GABRB1: variants seen among roughly 807,000 people sequenced by gnomAD.
The protein encoded by GABRB1 is gamma-aminobutyric acid receptor subunit beta-1.
Under a neutral mutation model 51.6 loss-of-function variants are expected in GABRB1, and 17 were observed. The observed-to-expected ratio is 0.33, with a 90% CI of 0.23 to 0.49. The LOEUF (loss-of-function observed/expected upper bound fraction) is 0.49, where lower values mean the gene tolerates loss of function less well. GABRB1 is among the 20% of genes least tolerant of loss of function. The probability of loss-of-function intolerance (pLI) is 0.99; values close to 1 mark genes in which losing one functional copy is unlikely to be tolerated. For missense variants in GABRB1, 410 were observed against 600.6 expected, an observed-to-expected ratio of 0.68 and a Z score of 3.32; for synonymous variants, 247 against 218.9, an observed-to-expected ratio of 1.13 and a Z score of -1.14.
At chr4:47,014,839 A>G (rs747939388) in intron 1 of GABRB1, among the ~76,000 whole-genome samples, 1 of 152,218 alleles carries the variant, frequency 6.6e-6, no homozygotes, top group Non-Finnish European at 1.5e-5. Flanking sequence ...GTATAGAATA[A>G]GGCTATAGAA....
intron 3 of GABRB1, among the ~76,000 whole-genome samples, chr4:47,036,408 A>G (rs1190398657): frequency 6.6e-6 from 1 of 152,172 alleles, no homozygotes; most frequent in Non-Finnish European, 1.5e-5. Flanking sequence ...AATCTTTAAC[A>G]TATAGGTGAA....
chr4:47,001,305 G>C (rs1724201138), intron 1 of GABRB1, among the ~76,000 whole-genome samples: 1 of 151,906 alleles, frequency 6.6e-6, no homozygotes, highest in African/African-American at 2.4e-5. Flanking sequence ...ACCACGCCCA[G>C]CTAATTTTTT....
chr4:47,413,635 T>C (rs2110061682), intron 8 of GABRB1, among the ~76,000 whole-genome samples: 1 of 152,362 alleles, frequency 6.6e-6, no homozygotes, highest in South Asian at 2.1e-4. Flanking sequence ...CAGACAATTT[T>C]CATTTGAGGG....
At chr4:47,198,838 T>A (rs1026163983) in intron 4 of GABRB1, among the ~76,000 whole-genome samples, 2 of 152,144 alleles carry the variant, frequency 1.3e-5, no homozygotes, top group Non-Finnish European at 2.9e-5. Flanking sequence ...AGGAAACTTA[T>A]GATCATGGCA....
intron 3 of GABRB1, among the ~76,000 whole-genome samples, chr4:47,154,927 A>G (rs1379694947): frequency 6.6e-6 from 1 of 151,960 alleles, no homozygotes; most frequent in Non-Finnish European, 1.5e-5. Context: ...GTGCAGCCCT[A>G]ATTCTTAGTT....
intron 3 of GABRB1, among the ~76,000 whole-genome samples, chr4:47,088,186 T>C (rs1208617782): frequency 6.6e-6 from 1 of 152,208 alleles, no homozygotes; most frequent in African/African-American, 2.4e-5. Context: ...TAGAATTCAT[T>C]TGACAAACAT....
At chr4:47,028,864 A>G (rs1190619358), upstream of GABRB1, among the ~76,000 whole-genome samples, 1 of 144,894 alleles carries the variant, frequency 6.9e-6, no homozygotes, top group African/African-American at 2.5e-5. Context: ...TATATATGGT[A>G]TATATACCAT....
intron 3 of GABRB1, among the ~76,000 whole-genome samples, chr4:47,047,329 G>C (rs953109745): frequency 1.3e-5 from 2 of 151,912 alleles, no homozygotes; most frequent in South Asian, 4.1e-4. Flanking sequence ...TACAAAGCAG[G>C]TACTATTCTA....
intron 3 of GABRB1, among the ~76,000 whole-genome samples, chr4:47,102,187 A>C (rs1311813903): frequency 1.3e-5 from 2 of 152,008 alleles, no homozygotes; most frequent in Non-Finnish European, 2.9e-5. Context: ...AACAGAGTTG[A>C]CAGATTAGGA....
chr4:47,095,143 GC>G (rs1321261201), intron 3 of GABRB1, among the ~76,000 whole-genome samples: 1 of 152,006 alleles, frequency 6.6e-6, no homozygotes, highest in Non-Finnish European at 1.5e-5. Flanking sequence ...AGGACACAAT[GC>G]TTTTGAATCC....
intron 8 of GABRB1, among the ~76,000 whole-genome samples, chr4:47,419,868 G>A (rs933874651): frequency 9.9e-5 from 15 of 152,132 alleles, no homozygotes; most frequent in African/African-American, 3.6e-4. Context: ...AGCCCTTGGG[G>A]CTGCAGAACT....
intron 3 of GABRB1, among the ~76,000 whole-genome samples, chr4:47,048,272 T>A (rs1726187356): frequency 6.6e-6 from 1 of 152,110 alleles, no homozygotes; most frequent in Non-Finnish European, 1.5e-5. Context: ...ATTAAGTCTC[T>A]CTTCTTGGAA....
In GABRB1 at chr4:47,143,217, C is replaced by G. The variant is rs568224488; in HGVS notation, c.241-18032C>G. Among the ~76,000 whole-genome samples, 159 of 151,890 alleles carry G rather than the reference C, an allele frequency of 1.0e-3. 1 individual carries two copies. Among genetic ancestry groups the G allele is most frequent in the African/African-American group, 3.7e-3 (153 of 41,490 alleles). ...GTGACTGCCAGGTCAGAACAGGAAGCTGAGGGTATCATCAAAAAGAATTCC... is the reference window on the plus strand; with the variant it reads ...GTGACTGCCAGGTCAGAACAGGAAGGTGAGGGTATCATCAAAAAGAATTCC... On this transcript the variant is annotated intron_variant, in intron 3 of 8. Coordinates refer to ENST00000295454, the MANE Select transcript of GABRB1 (RefSeq NM_000812.4).
intron 3 of GABRB1, among the ~76,000 whole-genome samples, chr4:47,039,499 T>G (rs529856559): frequency 6.6e-6 from 1 of 152,058 alleles, no homozygotes; most frequent in South Asian, 2.1e-4. Flanking sequence ...ATGTCTTTTT[T>G]GAAAAGCATA....
At chr4:47,337,526 C>A (rs1049665162) in intron 5 of GABRB1, among the ~76,000 whole-genome samples, 1 of 152,024 alleles carries the variant, frequency 6.6e-6, no homozygotes, top group South Asian at 2.1e-4. Flanking sequence ...TAGATCTGGC[C>A]GGACACAGTG....
At chr4:47,055,706 C>A (rs1726565090) in intron 3 of GABRB1, among the ~76,000 whole-genome samples, 1 of 152,088 alleles carries the variant, frequency 6.6e-6, no homozygotes, top group African/African-American at 2.4e-5. Context: ...GATCAGGAAA[C>A]CTTGAGCAAA....
chr4:47,350,057 G>A (rs111820028), intron 5 of GABRB1, among the ~76,000 whole-genome samples: 1 of 151,624 alleles, frequency 6.6e-6, no homozygotes, highest in East Asian at 1.9e-4. Context: ...AAAACCTTTA[G>A]CAAAGTGACT....
chr4:47,168,481 T>C (rs952732515), intron 4 of GABRB1, among the ~76,000 whole-genome samples: 13 of 152,296 alleles, frequency 8.5e-5, no homozygotes, highest in Admixed American at 3.9e-4. Flanking sequence ...TTTGTGATTA[T>C]ATTCCCTTAT....
chr4:46,998,515 G>A (rs1724073743), intron 1 of GABRB1, among the ~76,000 whole-genome samples: 3 of 151,856 alleles, frequency 2.0e-5, no homozygotes, highest in Admixed American at 6.6e-5. Flanking sequence ...GGTGGATCAC[G>A]AAGGTCAGGA....
Sources: gnomAD v4.1 joint callset for allele counts (sites outside exome capture counted in the v4.1 genomes callset) on GRCh38, gnomAD v4.1.1 for gene constraint, MANE v1.5 for transcripts, NCBI Gene and HGNC (gene_info 2026-07-23, HGNC 2026-07-21) for gene names.